Variants in PPP2R3B observed in about 807,000 individuals in gnomAD.
The protein encoded by PPP2R3B is protein phosphatase 2 regulatory subunit B''beta.
In PPP2R3B, 68 loss-of-function variants were observed where a neutral mutation model predicts 72.9. The ratio of observed to expected loss-of-function variants is 0.93; its 90% CI spans 0.77 to 1.14. The LOEUF (loss-of-function observed/expected upper bound fraction) is 1.14. Ranked by LOEUF, PPP2R3B falls within the 50% of genes most tolerant of loss-of-function variation. PPP2R3B has a pLI of 0.00. For missense variants in PPP2R3B, 1,018 were observed against 842.0 expected (o/e 1.21, Z -2.59); for synonymous variants, 466 against 375.8 (o/e 1.24, Z -2.78).
At chrX:361,302 C>G (rs1426349726) in intron 2 of PPP2R3B, 103 bp downstream of exon 2, 7 of 355,120 alleles carry the variant, frequency 2.0e-5, no homozygotes, top group African/African-American at 1.7e-4. Context: ...CGTGCCGCCT[C>G]ACTCACGCTC....
At chrX:358,229 C>G (rs974593414) in intron 2 of PPP2R3B, among the ~76,000 whole-genome samples, 2 of 128,160 alleles carry the variant, frequency 1.6e-5, no homozygotes, top group African/African-American at 5.9e-5. Flanking sequence ...TGGCGGCGAG[C>G]TGGGCGCCAC....
In PPP2R3B at chrX:338,223, C is replaced by T. The variant is rs192232202; in HGVS notation, c.1577+381G>A. 1,253 of 389,754 alleles carry T rather than the reference C, an allele frequency of 3.2e-3. 12 individuals carry two copies. The highest frequency in any genetic ancestry group is 0.021 in the African/African-American group (1,058 of 49,300). The allele number at this position is 389,754 out of a possible 1,614,324, so 24.1% of individuals were successfully genotyped here. Reference sequence around the variant, plus strand: ...CTCAGGGCCTCCAAGGCTGGAAGGCCGAAGCGGAGGCTGGAATGGCCACGG... The same window carrying T: ...CTCAGGGCCTCCAAGGCTGGAAGGCTGAAGCGGAGGCTGGAATGGCCACGG... On this transcript the variant is annotated intron_variant, in intron 12 of 12. Coordinates refer to ENST00000390665, the MANE Select transcript of PPP2R3B (RefSeq NM_013239.5).
intron 8 of PPP2R3B, 103 bp downstream of exon 8, chrX:341,780 T>C: frequency 7.8e-7 from 1 of 1,274,130 alleles, no homozygotes; most frequent in Non-Finnish European, 1.1e-6. Context: ...TGACAACCAC[T>C]CGCTGTCGGG....
intron 1 of PPP2R3B, among the ~76,000 whole-genome samples, chrX:375,066 C>T (rs2071959902): frequency 6.6e-6 from 1 of 152,138 alleles, no homozygotes; most frequent in African/African-American, 2.4e-5. Flanking sequence ...GCCCCCCACC[C>T]GCAAGGCCCC....
At chrX:376,285 CCT>C (rs2071991313) in intron 1 of PPP2R3B, among the ~76,000 whole-genome samples, 3 of 142,646 alleles carry the variant, frequency 2.1e-5, no homozygotes, top group Admixed American at 7.0e-5. Flanking sequence ...GACCTGGAGC[CCT>C]CGAACCACCT....
intron 1 of PPP2R3B, among the ~76,000 whole-genome samples, chrX:363,661 C>CGAT (rs1569404276): frequency 6.9e-3 from 11 of 1,600 alleles, no homozygotes; most frequent in Non-Finnish European, 9.4e-3. Context: ...CCTGTGCCCA[C>CGAT]CATCCCACAA....
chrX:338,945 C>T (rs375035173), intron 10 of PPP2R3B, 49 bp from the exon 11 acceptor site: 55 of 1,524,352 alleles, frequency 3.6e-5, no homozygotes, highest in Middle Eastern at 3.9e-4. Flanking sequence ...GTCTCACCTT[C>T]GGGGCCTGGG....
At chrX:363,256 T>TGATCCCGCAGTGCATCTCCCCGAGCCCAC (rs2071582830) in intron 1 of PPP2R3B, among the ~76,000 whole-genome samples, 2 of 118,472 alleles carry the variant, frequency 1.7e-5, no homozygotes, top group Non-Finnish European at 3.6e-5. Flanking sequence ...CCCGAGCCCA[T>TGATCCCGCAGTGCATCTCCCCGAGCCCAC]GATCCCGCAG....
Position 334,472 on chromosome X carries a change from C to T in PPP2R3B, c.1623G>A (p.Leu541=). ...LSPVEQKLSA[L]RSPLAQRPFF... ...AGGGCCTCTGGGCCAGCGGGGAGCGCAGCGCACTCAGCTTCTGCTCCACAG... is the reference window on the plus strand; with the variant it reads ...AGGGCCTCTGGGCCAGCGGGGAGCGTAGCGCACTCAGCTTCTGCTCCACAG... The change falls in exon 13 of 13, where the codon CTG becomes CTA. Residue 541 remains leucine, a synonymous_variant. Coordinates refer to ENST00000390665, the MANE Select transcript of PPP2R3B (RefSeq NM_013239.5). 6.3e-7 allele frequency: 1 copy of T among 1,589,522 alleles called. No individual in the cohort carries two copies. Among genetic ancestry groups the T allele is most frequent in the African/African-American group, 1.4e-5 (1 of 73,752 alleles).
At chrX:347,897 A>C in intron 2 of PPP2R3B, 1 of 551,378 alleles carries the variant, frequency 1.8e-6, no homozygotes, top group East Asian at 3.1e-5. Context: ...TGAGCGTGGG[A>C]GTGCCGGGCA....
rs1459178432 is a variant in PPP2R3B, at chrX:339,238, C to T, written c.1352-342G>A. 1.1e-4 allele frequency among the ~76,000 whole-genome samples: 14 copies of T among 128,096 alleles called. No homozygotes were observed. In the South Asian group the frequency reaches 3.1e-3, roughly 29 times the overall value. 84.0% of individuals were successfully genotyped at this position (128,096 alleles called of 152,430 possible). A position where few individuals can be genotyped will look rare whatever the true frequency, so the allele number is the denominator to read the frequency against. On this transcript the variant is annotated intron_variant, in intron 10 of 12. Transcript: ENST00000390665. ...TGCAGGCAGAGGCCAGAGGGTGTCC[C>T]GGGGACACTGAGCAGCAGGAGGCGC...
Position 361,418 on chromosome X carries a change from C to T in PPP2R3B, c.497G>A (p.Gly166Asp), listed in dbSNP as rs757658051. 5 of 1,614,004 alleles carry T rather than the reference C, an allele frequency of 3.1e-6. No individual in the cohort carries two copies. In the South Asian group the frequency reaches 5.5e-5, roughly 18 times the overall value. The change falls in exon 2 of 13, where the codon GGC becomes GAC. Residue 166 changes from glycine (G) to aspartate (D), a missense_variant. Coordinates refer to ENST00000390665, the MANE Select transcript of PPP2R3B (RefSeq NM_013239.5). ...CGTGACACGTACCTTGGCCACCAGGCCCATGTCATCCATGGTGGCCCTCTC... is the reference window on the plus strand; with the variant it reads ...CGTGACACGTACCTTGGCCACCAGGTCCATGTCATCCATGGTGGCCCTCTC... ...PHERATMDDM[G>D]LVAKACGCPL... is the part of the protein sequence containing the mutation.
chrX:346,674 C>A (rs761074411), intron 5 of PPP2R3B, 27 bp downstream of exon 5: 1 of 1,592,206 alleles, frequency 6.3e-7, no homozygotes, highest in Admixed American at 1.7e-5. Context: ...CGCGCTGGAA[C>A]CGACGGCCCC....
intron 7 of PPP2R3B, among the ~76,000 whole-genome samples, chrX:343,877 G>C (rs1174373932): frequency 6.7e-5 from 3 of 45,022 alleles, no homozygotes; most frequent in African/African-American, 1.3e-4. Context: ...TGAGACCTCA[G>C]CAACGGGAGG....
intron 1 of PPP2R3B, among the ~76,000 whole-genome samples, chrX:364,413 C>A (rs943412659): frequency 4.6e-5 from 7 of 151,068 alleles, no homozygotes; most frequent in Non-Finnish European, 8.8e-5. Flanking sequence ...TGCCTGCAAT[C>A]CTGGCGCTTT....
At chrX:372,885 G>T (rs1300540134) in intron 1 of PPP2R3B, among the ~76,000 whole-genome samples, 2 of 152,106 alleles carry the variant, frequency 1.3e-5, no homozygotes, top group African/African-American at 4.8e-5. Context: ...CCGAGATAGC[G>T]CCGCTGCACT....
At chrX:360,154 G>A (rs772561661) in intron 2 of PPP2R3B, among the ~76,000 whole-genome samples, 86 of 152,232 alleles carry the variant, frequency 5.6e-4, no homozygotes, top group African/African-American at 1.9e-3. Flanking sequence ...GAGACACAGC[G>A]ACCATGCGGA....
At chrX:381,019 T>C (rs1356071535) in intron 1 of PPP2R3B, among the ~76,000 whole-genome samples, 1 of 150,732 alleles carries the variant, frequency 6.6e-6, no homozygotes. Context: ...CACTGCAGCC[T>C]CGAACTCCTG....
At chrX:345,358 G>A (rs1346928362) in intron 7 of PPP2R3B, 158 bp downstream of exon 7, 7 of 1,042,728 alleles carry the variant, frequency 6.7e-6, no homozygotes, top group East Asian at 5.2e-5. Flanking sequence ...TGGGGAAGGA[G>A]AGGCAGCTGC....
Sources: allele counts gnomAD v4.1 joint callset (sites outside exome capture counted in the v4.1 genomes callset), GRCh38; gene constraint gnomAD v4.1.1; transcripts MANE v1.5; gene names NCBI Gene and HGNC (gene_info 2026-07-23, HGNC 2026-07-21).